The following CPSF2 variants were observed in gnomAD, a reference collection of about 807,000 sequenced individuals.
CPSF2 encodes cleavage and polyadenylation specific factor 2.
CPSF2 carries 51 observed loss-of-function variants against 84.2 expected under a neutral mutation model. The ratio of observed to expected loss-of-function variants is 0.61; its 90% CI spans 0.48 to 0.77. CPSF2 has a LOEUF of 0.77. Ranked by LOEUF, CPSF2 falls within the 30% of genes least tolerant of loss-of-function variation. CPSF2 has a pLI of 0.00. For missense variants in CPSF2, 641 were observed against 929.4 expected, an observed-to-expected ratio of 0.69 and a Z score of 4.03; for synonymous variants, 286 against 311.9, an observed-to-expected ratio of 0.92 and a Z score of 0.87.
Position 92,143,145 on chromosome 14 carries a change from C to A in CPSF2, c.991C>A (p.Pro331Thr), listed in dbSNP as rs1408618806. The change falls in exon 9 of 16, where the codon CCT becomes ACT. Residue 331 changes from proline to threonine, a missense_variant. This residue lies in a region of CPSF2 where 430 missense variants were observed against 553.6 expected (regional missense o/e 0.78). Coordinates refer to ENST00000298875, the MANE Select transcript of CPSF2 (RefSeq NM_017437.3). ...CCCTAAAGTTGTACTTGCCAGCCAA[C>A]CTGACCTGGAATGCGGATTTTCAAG... ...PSPKVVLASQPDLECGFSRDL... is the reference protein window; with the variant it reads ...PSPKVVLASQTDLECGFSRDL... The A allele has an allele frequency of 6.2e-7, 1 of 1,614,070 alleles. No individual in the cohort carries two copies. Among genetic ancestry groups the A allele is most frequent in the Middle Eastern group, 1.6e-4 (1 of 6,062 alleles).
chr14:92,137,695 G>A (rs1050845225), intron 6 of CPSF2, among the ~76,000 whole-genome samples: 3 of 152,244 alleles, frequency 2.0e-5, no homozygotes, highest in Admixed American at 6.5e-5. Flanking sequence ...TGAAGCTTTT[G>A]TAAAAAATGT....
intron 14 of CPSF2, 75 bp downstream of exon 14, chr14:92,159,357 T>A (rs750599606): frequency 6.3e-6 from 8 of 1,262,980 alleles, no homozygotes; most frequent in Non-Finnish European, 8.8e-6. Flanking sequence ...TTTGGTTTTT[T>A]TCCCCCCTTC....
chr14:92,170,053 C>G lies in CPSF2; in HGVS notation c.*8309C>G, dbSNP rs2069498730. ...ACTCAGGAGGCTGAGGCAGGAGGAT[C>G]CCTTGAGATTGAGGCTTCAGTGAGC... On this transcript the variant is annotated 3_prime_UTR_variant, in exon 16 of 16. Transcript: ENST00000298875. 1 of 152,078 alleles carries G rather than the reference C, an allele frequency of 6.6e-6. No homozygotes were observed. The highest frequency in any genetic ancestry group is 2.4e-5 in the African/African-American group (1 of 41,398). The allele number at this position is 152,078 out of a possible 1,614,324, so 9.4% of individuals were successfully genotyped here.
chr14:92,151,436 TAA>T (rs201881129), intron 9 of CPSF2, among the ~76,000 whole-genome samples: 48 of 135,610 alleles, frequency 3.5e-4, no homozygotes, highest in South Asian at 4.6e-4. Flanking sequence ...GTAAGATACA[TAA>T]AAAAAAAAAA....
In CPSF2 at chr14:92,166,673, A is replaced by G. The variant is rs566984970; in HGVS notation, c.*4929A>G. ...GGCATTAATTTTTGTATATGGTGTG[A>G]GGTAGGGGTCCAGTTTCATTTTTTT... On this transcript the variant is annotated 3_prime_UTR_variant, in exon 16 of 16. Transcript: ENST00000298875. The G allele has an allele frequency of 1.3e-5, 2 of 152,090 alleles. No individual in the cohort carries two copies. The highest frequency in any genetic ancestry group is 2.9e-5 in the Non-Finnish European group (2 of 67,988). 9.4% of individuals were successfully genotyped at this position (152,090 alleles called of 1,614,324 possible).
At chr14:92,128,862 T>C (rs1041273501) in intron 2 of CPSF2, among the ~76,000 whole-genome samples, 4 of 152,096 alleles carry the variant, frequency 2.6e-5, no homozygotes, top group Admixed American at 2.0e-4. Flanking sequence ...TAGTGGTGGG[T>C]GGCTGAAGTG....
At chr14:92,155,092 A>C (rs770858805) in intron 10 of CPSF2, 31 bp from the exon 11 acceptor site, 1 of 1,397,556 alleles carries the variant, frequency 7.2e-7, no homozygotes, top group Non-Finnish European at 1.0e-6. Context: ...TTGAAACTTT[A>C]TGACCTTGAT....
chr14:92,123,383 C>T (rs1356863187), intron 1 of CPSF2, among the ~76,000 whole-genome samples: 1 of 151,974 alleles, frequency 6.6e-6, no homozygotes, highest in Non-Finnish European at 1.5e-5. Flanking sequence ...GGATTACAGG[C>T]GTGAGCCACC....
rs2069412973 is a variant in CPSF2 at position 92,164,071 on chromosome 14, T to C, written c.*2327T>C. The C allele has an allele frequency of 6.5e-6, 1 of 153,164 alleles. No homozygotes were observed. The highest frequency in any genetic ancestry group is 2.1e-4 in the South Asian group (1 of 4,850). The allele number at this position is 153,164 out of a possible 1,614,324, so 9.5% of individuals were successfully genotyped here. A position where few individuals can be genotyped will look rare whatever the true frequency, so the allele number is the denominator to read the frequency against. On this transcript the variant is annotated 3_prime_UTR_variant, in exon 16 of 16. Transcript: ENST00000298875. ...TGTAAGGGAATTTTCCCCCTTTGCTTGGCACTTCTTCCTGCTGCCATGTGA... is the reference window on the plus strand; with the variant it reads ...TGTAAGGGAATTTTCCCCCTTTGCTCGGCACTTCTTCCTGCTGCCATGTGA...
chr14:92,125,155 A>C (rs2068829526), intron 1 of CPSF2, among the ~76,000 whole-genome samples: 1 of 152,136 alleles, frequency 6.6e-6, no homozygotes, highest in African/African-American at 2.4e-5. Context: ...AGGTTGGATG[A>C]AGGGAGGAAA....
chr14:92,122,868 T>TA (rs1555413148), intron 1 of CPSF2, among the ~76,000 whole-genome samples: 2,665 of 151,144 alleles, frequency 0.018, 80 homozygotes, highest in African/African-American at 0.062. Context: ...TTTTTTTTTT[T>TA]AATAAAGACG....
At chr14:92,155,399 T>C in intron 11 of CPSF2, 76 bp downstream of exon 11, 1 of 1,227,622 alleles carries the variant, frequency 8.1e-7, no homozygotes, top group South Asian at 1.3e-5. Context: ...TTCAGTGAAT[T>C]TGATCTTTCA....
At chr14:92,134,225 A>T (rs1465701913) in intron 4 of CPSF2, 25 bp from the exon 5 acceptor site, 1 of 1,611,126 alleles carries the variant, frequency 6.2e-7, no homozygotes, top group Admixed American at 1.7e-5. Context: ...ATTGTTTTTC[A>T]CCTTTATTTG....
rs182985068 is a variant in CPSF2, at chr14:92,152,159, C to T, written c.1141-2199C>T. On this transcript the variant is annotated intron_variant, in intron 9 of 15. Transcript: ENST00000298875. ...TTTTTTCATTTTTGAGATGTAGTTT[C>T]GCTCTTGTTGCCCAGGCTGGAGCGC... 2.7e-3 allele frequency among the ~76,000 whole-genome samples: 406 copies of T among 151,494 alleles called. 2 individuals carry two copies. Among genetic ancestry groups the T allele is most frequent in the Non-Finnish European group, 3.3e-3 (226 of 67,894 alleles).
intron 11 of CPSF2, among the ~76,000 whole-genome samples, chr14:92,156,133 CA>C (rs2069286530): frequency 6.6e-6 from 1 of 152,070 alleles, no homozygotes; most frequent in African/African-American, 2.4e-5. Flanking sequence ...ACTAAAAATA[CA>C]AAAAAATTAG....
chr14:92,161,398 AT>A, intron 15 of CPSF2, 152 bp downstream of exon 15: 2 of 862,226 alleles, frequency 2.3e-6, no homozygotes, highest in South Asian at 4.0e-5. Flanking sequence ...CAGAAGTCTT[AT>A]TGACTTGAAG....
intron 9 of CPSF2, among the ~76,000 whole-genome samples, chr14:92,152,330 TATTG>T: frequency 1.3e-5 from 2 of 151,926 alleles, no homozygotes; most frequent in Non-Finnish European, 2.9e-5. Context: ...GCTTTCTCCA[TATTG>T]ATCAGGCTTG....
intron 9 of CPSF2, among the ~76,000 whole-genome samples, chr14:92,150,237 C>G (rs960440400): frequency 6.6e-6 from 1 of 151,608 alleles, no homozygotes; most frequent in African/African-American, 2.4e-5. Flanking sequence ...GCCTCAGCCT[C>G]CCAAGTAGCT....
intron 2 of CPSF2, among the ~76,000 whole-genome samples, chr14:92,128,956 T>A (rs144306186): frequency 1.3e-5 from 2 of 152,212 alleles, no homozygotes; most frequent in Non-Finnish European, 2.9e-5. Flanking sequence ...CATGTAAAAG[T>A]CCTCAGTGAA....
Sources: gnomAD v4.1 joint callset for allele counts (sites outside exome capture counted in the v4.1 genomes callset) on GRCh38, gnomAD v4.1.1 for gene constraint, gnomAD v4.1.1 regional missense constraint, MANE v1.5 for transcripts, NCBI Gene and HGNC (gene_info 2026-07-23, HGNC 2026-07-21) for gene names.